Variants in NUMBL observed in about 807,000 individuals in gnomAD.
The protein encoded by NUMBL is numb-like protein.
NUMBL carries 20 observed loss-of-function variants against 48.9 expected under a neutral mutation model. That is an observed-to-expected ratio of 0.41 (90% confidence interval 0.29 to 0.59). The LOEUF (loss-of-function observed/expected upper bound fraction) is 0.59. Among genes scored for constraint, NUMBL ranks in the 20% least tolerant of loss-of-function variants. The probability of loss-of-function intolerance (pLI) is 0.31; values close to 1 mark genes in which losing one functional copy is unlikely to be tolerated. For synonymous variants in NUMBL, 340 were observed against 348.7 expected (o/e 0.98, Z 0.28); for missense variants, 660 against 846.2 (o/e 0.78, Z 2.73).
intron 9 of NUMBL, 31 bp downstream of exon 9, chr19:40,669,867 G>C: frequency 6.2e-7 from 1 of 1,607,296 alleles, no homozygotes; most frequent in Non-Finnish European, 8.5e-7. Flanking sequence ...GGACATGCAG[G>C]GTGTCTGCCC....
chr19:40,671,768 C>T (rs962877998), intron 8 of NUMBL, among the ~76,000 whole-genome samples: 1 of 152,168 alleles, frequency 6.6e-6, no homozygotes, highest in African/African-American at 2.4e-5. Flanking sequence ...GTGGGCCAGA[C>T]CACATGGGTT....
Position 40,668,286 on chromosome 19 carries a change from C to T in NUMBL, c.1160-148G>A. 2.2e-6 allele frequency: 3 copies of T among 1,367,760 alleles called. No homozygotes were observed. The East Asian group carries it at 7.6e-5, about 35-fold the overall frequency. The allele number at this position is 1,367,760 out of a possible 1,614,324, so 84.7% of individuals were successfully genotyped here. ...GAATCCCAGCTCTGCACCTCCCGAGCTTGCTGACTTCAGGCGAGTGACTTC... is the reference window on the plus strand; with the variant it reads ...GAATCCCAGCTCTGCACCTCCCGAGTTTGCTGACTTCAGGCGAGTGACTTC... On this transcript the variant is annotated intron_variant, in intron 9 of 9. Transcript: ENST00000252891.
rs1234755782 is a variant in NUMBL at position 40,666,972 on chromosome 19, T to C, written c.*496A>G. 1 of 175,634 alleles carries C rather than the reference T, an allele frequency of 5.7e-6. No homozygotes were observed. Among genetic ancestry groups the C allele is most frequent in the Non-Finnish European group, 1.2e-5 (1 of 81,388 alleles). The allele number at this position is 175,634 out of a possible 1,614,324, so 10.9% of individuals were successfully genotyped here. A position where few individuals can be genotyped will look rare whatever the true frequency, so the allele number is the denominator to read the frequency against. On this transcript the variant is annotated 3_prime_UTR_variant, in exon 10 of 10. Coordinates refer to ENST00000252891, the MANE Select transcript of NUMBL (RefSeq NM_004756.5). ...GAGGGTGATGGAGGTGAGTACAGCA[T>C]TGGCAGTGAACGCAGCGTGTGGGCA...
chr19:40,677,250 C>T lies in NUMBL; in HGVS notation c.712G>A (p.Ala238Thr). ...CACCCACCTTTCTTCTTGTCCGGGG[C>T]CTCTCGCTCAGCAGGCCGCCCACCC... ...SGGGRPAEREAPDKKKAEAAA... is the reference protein window; with the variant it reads ...SGGGRPAERETPDKKKAEAAA... The change falls in exon 7 of 10, where the codon GCC becomes ACC. Residue 238 changes from alanine to threonine, a missense_variant. Physicochemically the swap from Ala to Thr is moderately conservative, Grantham distance 58. This residue lies in a region of NUMBL where 278 missense variants were observed against 420.6 expected (regional missense o/e 0.66). Coordinates refer to ENST00000252891, the MANE Select transcript of NUMBL (RefSeq NM_004756.5). 6.4e-7 allele frequency: 1 copy of T among 1,569,880 alleles called. No individual in the cohort carries two copies. The highest frequency in any genetic ancestry group is 8.6e-7 in the Non-Finnish European group (1 of 1,158,394).
Position 40,667,959 on chromosome 19 carries a change from C to CTTGCTGCTG in NUMBL, c.1330_1338dup (p.Gln444_Gln446dup). 1 of 1,560,646 alleles carries CTTGCTGCTG rather than the reference C, an allele frequency of 6.4e-7. No individual in the cohort carries two copies. Among genetic ancestry groups the CTTGCTGCTG allele is most frequent in the South Asian group, 1.2e-5 (1 of 85,282 alleles). On this transcript the variant is annotated inframe_insertion, in exon 10 of 10. Coordinates refer to ENST00000252891, the MANE Select transcript of NUMBL (RefSeq NM_004756.5). This position sits in a 1 kb window ranked among gnomAD's most constrained non-coding sequence, Gnocchi z 6.1. ...GTGGGCACTGGGGCCACTGAGGCTG[C>CTTGCTGCTG]TTGCTGCTGTTGCTGCTGCTGCTGC...
chr19:40,673,558 C>T lies in NUMBL; in HGVS notation c.822G>A (p.Lys274=), dbSNP rs1414424208. The T allele has an allele frequency of 7.1e-6, 11 of 1,551,942 alleles. No homozygotes were observed. Among genetic ancestry groups the T allele is most frequent in the Non-Finnish European group, 9.6e-6 (11 of 1,147,336 alleles). Residue 274 remains lysine (K), a synonymous_variant, in exon 8 of 10, where the codon AAG becomes AAA. Coordinates refer to ENST00000252891, the MANE Select transcript of NUMBL (RefSeq NM_004756.5). The surrounding 1 kb of genome is among the most constrained non-coding windows in gnomAD (Gnocchi z 5.9). ...CAGCCACAGGGGTGCCTGCCTCACC[C>T]TTCTCACCAGGGGATGTGGTGGCTG... ...PTPATTSPGE[K]GEAGTPVAAG...
chr19:40,689,853 G>A (rs1568433553), intron 1 of NUMBL, among the ~76,000 whole-genome samples: 1 of 151,564 alleles, frequency 6.6e-6, no homozygotes, highest in South Asian at 2.1e-4. Flanking sequence ...AGGCTGGGGT[G>A]GGGTGGAGTC....
At chr19:40,683,629 G>A (rs145611991) in intron 3 of NUMBL, among the ~76,000 whole-genome samples, 5 of 152,306 alleles carry the variant, frequency 3.3e-5, no homozygotes, top group African/African-American at 7.2e-5. Flanking sequence ...CACAGTCCAC[G>A]CCGTGAATCC....
rs1420964720 is a variant in NUMBL at position 40,688,430 on chromosome 19, G to A, written c.25-1435C>T. ...AGTCCAGTGTATGCACATAAATGCA[G>A]TGACCAGGATGTGGCATTTATAGCT... On this transcript the variant is annotated intron_variant, in intron 1 of 9. Transcript: ENST00000252891. The surrounding 1 kb of genome is among the most constrained non-coding windows in gnomAD (Gnocchi z 4.6). 6.6e-6 allele frequency among the ~76,000 whole-genome samples: 1 copy of A among 152,204 alleles called. No individual in the cohort carries two copies. The highest frequency in any genetic ancestry group is 2.1e-4 in the South Asian group (1 of 4,832).
Position 40,667,960 on chromosome 19 carries a change from T to C in NUMBL, c.1338A>G (p.Gln446=), listed in dbSNP as rs2081822347. 2 of 1,549,276 alleles carry C rather than the reference T, an allele frequency of 1.3e-6. No homozygotes were observed. Residue 446 remains glutamine (Q), a synonymous_variant, in exon 10 of 10, where the codon CAA becomes CAG. Coordinates refer to ENST00000252891, the MANE Select transcript of NUMBL (RefSeq NM_004756.5). The surrounding 1 kb of genome is among the most constrained non-coding windows in gnomAD (Gnocchi z 6.1). ...TGGGCACTGGGGCCACTGAGGCTGC[T>C]TGCTGCTGTTGCTGCTGCTGCTGCT... ...QQQQQQQQQQ[Q]AASVAPVPTM... is the part of the protein sequence containing the mutation.
rs550390367 is a variant in NUMBL at position 40,676,691 on chromosome 19, CA to C, written c.730+540del. 2.9e-3 allele frequency among the ~76,000 whole-genome samples: 241 copies of C among 82,854 alleles called. 1 individual carries two copies. Among genetic ancestry groups the C allele is most frequent in the African/African-American group, 7.4e-3 (177 of 23,946 alleles). 54.4% of individuals were successfully genotyped at this position (82,854 alleles called of 152,430 possible). On this transcript the variant is annotated intron_variant, in intron 7 of 9. Coordinates refer to ENST00000252891, the MANE Select transcript of NUMBL (RefSeq NM_004756.5). ...TGGTTGACAGAGCGAGACTCCGTCT[CA>C]AAAAAAAAAAAAAACAAACAAAAAA...
chr19:40,690,401 C>A, intron 1 of NUMBL, 59 bp downstream of exon 1: 1 of 1,055,350 alleles, frequency 9.5e-7, no homozygotes, highest in Non-Finnish European at 1.2e-6. Flanking sequence ...CTCCCACCCT[C>A]CGCCACATCA....
rs770578700 is a variant in NUMBL, at chr19:40,677,267, C to T, written c.695G>A (p.Arg232Gln). ...EGSFRLSGGGRPAEREAPDKK... is the reference protein window; with the variant it reads ...EGSFRLSGGGQPAEREAPDKK... ...GTCCGGGGCCTCTCGCTCAGCAGGC[C>T]GCCCACCCCCAGACAGGCGGAAGGA... is the stretch of plus-strand genomic sequence containing the variant. Residue 232 changes from arginine (R) to glutamine (Q), a missense_variant, in exon 7 of 10, where the codon CGG (arginine) becomes CAG (glutamine). Coordinates refer to ENST00000252891, the MANE Select transcript of NUMBL (RefSeq NM_004756.5). 19 of 1,590,096 alleles carry T rather than the reference C, an allele frequency of 1.2e-5. No homozygotes were observed. In the African/African-American group the frequency reaches 1.2e-4, roughly 10 times the overall value.
chr19:40,683,775 C>T (rs2081918199), intron 3 of NUMBL, among the ~76,000 whole-genome samples: 1 of 152,130 alleles, frequency 6.6e-6, no homozygotes, highest in African/African-American at 2.4e-5. Flanking sequence ...AAAATGTGTT[C>T]TGGTTTTTTG....
At position 40,673,502 on chromosome 19, in the gene NUMBL, C is replaced by T. The variant is rs1265943053; in HGVS notation, c.878G>A (p.Arg293His). Residue 293 changes from arginine (R) to histidine (H), a missense_variant, in exon 8 of 10, where the codon CGC becomes CAC. Arg to His is a conservative substitution (Grantham distance 29). Coordinates refer to ENST00000252891, the MANE Select transcript of NUMBL (RefSeq NM_004756.5). The surrounding 1 kb of genome is among the most constrained non-coding windows in gnomAD (Gnocchi z 5.9). ...AACCAGCTGCTCCAGGGGTGCATGG[C>T]GCCGGGGGATGGCGGCCGCAGTGGT... ...AGTTAAAIPRRHAPLEQLVRQ... is the reference protein window; with the variant it reads ...AGTTAAAIPRHHAPLEQLVRQ... 3.2e-6 allele frequency: 5 copies of T among 1,582,632 alleles called. No homozygotes were observed. The highest frequency in any genetic ancestry group is 1.1e-5 in the South Asian group (1 of 87,184).
At chr19:40,674,692 C>T (rs1382408265) in intron 7 of NUMBL, among the ~76,000 whole-genome samples, 1 of 152,232 alleles carries the variant, frequency 6.6e-6, no homozygotes, top group African/African-American at 2.4e-5. Flanking sequence ...AGGAAACCTC[C>T]TCTGCCTCCA....
Position 40,669,889 on chromosome 19 carries a change from T to C in NUMBL, c.1159+9A>G. On this transcript the variant is annotated intron_variant, in intron 9 of 9. Transcript: ENST00000252891. Reference sequence around the variant, plus strand: ...CAGGGTGTCTGCCCAGCAGAAAGCCTGGCTTTACCTGTTGTGGCAGGTGGT... The same window carrying C: ...CAGGGTGTCTGCCCAGCAGAAAGCCCGGCTTTACCTGTTGTGGCAGGTGGT... 6.2e-7 allele frequency: 1 copy of C among 1,612,424 alleles called. No homozygotes were observed. Among genetic ancestry groups the C allele is most frequent in the South Asian group, 1.1e-5 (1 of 90,892 alleles).
chr19:40,684,682 G>T, intron 2 of NUMBL, 126 bp from the exon 3 acceptor site: 1 of 1,331,326 alleles, frequency 7.5e-7, no homozygotes, highest in Middle Eastern at 2.2e-4. Context: ...GGGGTTACAG[G>T]GTCAGTTGGC....
In NUMBL at chr19:40,682,985, T is replaced by A; in HGVS notation, c.250-17A>T. The A allele has an allele frequency of 6.9e-7, 1 of 1,442,886 alleles. No individual in the cohort carries two copies. The allele number at this position is 1,442,886 out of a possible 1,614,324, so 89.4% of individuals were successfully genotyped here. On this transcript the variant is annotated splice_polypyrimidine_tract_variant and intron_variant, in intron 3 of 9. Coordinates refer to ENST00000252891, the MANE Select transcript of NUMBL (RefSeq NM_004756.5). The surrounding 1 kb of genome is among the most constrained non-coding windows in gnomAD (Gnocchi z 4.0). ...ACCCAGGTACTTGGGTTGGAGGGAATGGGGGGGGGGACATGAAACAGCACA... is the reference window on the plus strand; with the variant it reads ...ACCCAGGTACTTGGGTTGGAGGGAAAGGGGGGGGGGACATGAAACAGCACA...
Sources: gnomAD v4.1 joint callset for allele counts (sites outside exome capture counted in the v4.1 genomes callset) on GRCh38, gnomAD v4.1.1 for gene constraint, gnomAD v4.1.1 regional missense constraint, Gnocchi (gnomAD v3.1) non-coding constraint, MANE v1.5 for transcripts, NCBI Gene and HGNC (gene_info 2026-07-23, HGNC 2026-07-21) for gene names.